The following SLC16A10 variants were observed in gnomAD, a reference collection of about 807,000 sequenced individuals.
SLC16A10 encodes solute carrier family 16 member 10.
In SLC16A10, 27 loss-of-function variants were observed where a neutral mutation model predicts 40.0. That is an observed-to-expected ratio of 0.67 (90% CI 0.50 to 0.93). SLC16A10 has a LOEUF of 0.93. SLC16A10 is among the 40% of genes least tolerant of loss of function. SLC16A10 has a pLI of 0.00. For synonymous variants in SLC16A10, 213 were observed against 249.8 expected, an observed-to-expected ratio of 0.85 and a Z score of 1.39; for missense variants, 529 against 658.2, an observed-to-expected ratio of 0.80 and a Z score of 2.15.
chr6:111,121,091 T>C (rs1323697732), intron 1 of SLC16A10, among the ~76,000 whole-genome samples: 1 of 152,202 alleles, frequency 6.6e-6, no homozygotes, highest in Non-Finnish European at 1.5e-5. Flanking sequence ...CCAGGAAATT[T>C]TGGAATATAC....
chr6:111,140,448 G>A (rs1771961792), intron 1 of SLC16A10, among the ~76,000 whole-genome samples: 1 of 151,564 alleles, frequency 6.6e-6, no homozygotes, highest in African/African-American at 2.4e-5. Context: ...GGGCGACACA[G>A]CAAGACCCTG....
intron 4 of SLC16A10, among the ~76,000 whole-genome samples, chr6:111,215,083 C>T (rs1773399479): frequency 6.6e-6 from 1 of 151,778 alleles, no homozygotes; most frequent in Non-Finnish European, 1.5e-5. Flanking sequence ...CGCGCCACTG[C>T]ACTCCAGCCT....
At chr6:111,146,749 G>T (rs749014398) in intron 1 of SLC16A10, among the ~76,000 whole-genome samples, 89 of 150,462 alleles carry the variant, frequency 5.9e-4, no homozygotes, top group Non-Finnish European at 1.1e-3. Context: ...AAAAAAAAAA[G>T]ATATATACAC....
rs776652999 is a variant in SLC16A10, at chr6:111,218,945, A to G, written c.1218A>G (p.Ile406Met). The part of the protein sequence containing the change: ...DGCFISIMAP[I>M]AFELVGAQDV... Reference sequence around the variant, plus strand: ...GCTTCATTTCCATTATGGCTCCCATAGCCTTTGAGTTAGTTGGTGCCCAGG... The same window carrying G: ...GCTTCATTTCCATTATGGCTCCCATGGCCTTTGAGTTAGTTGGTGCCCAGG... Residue 406 changes from isoleucine to methionine, a missense_variant, in exon 5 of 6, where the codon ATA (isoleucine) becomes ATG (methionine). Coordinates refer to ENST00000368851, the MANE Select transcript of SLC16A10 (RefSeq NM_018593.5). 6.2e-7 allele frequency: 1 copy of G among 1,614,086 alleles called. No individual in the cohort carries two copies. Among genetic ancestry groups the G allele is most frequent in the East Asian group, 2.2e-5 (1 of 44,860 alleles).
At position 111,193,053 on chromosome 6, in the gene SLC16A10, A is replaced by G. The variant is rs143329104; in HGVS notation, c.943-13539A>G. ...CTTTTTTTTGAGATGAAGTCTCACT[A>G]TGTTGCCTAGGCTAGTCTCAAACTC... On this transcript the variant is annotated intron_variant, in intron 3 of 5. Coordinates refer to ENST00000368851, the MANE Select transcript of SLC16A10 (RefSeq NM_018593.5). 2.7e-3 allele frequency among the ~76,000 whole-genome samples: 406 copies of G among 152,148 alleles called. 5 individuals are homozygous for G. The highest frequency in any genetic ancestry group is 0.024 in the Middle Eastern group (7 of 294).
At chr6:111,213,527 A>G (rs1299881815) in intron 4 of SLC16A10, among the ~76,000 whole-genome samples, 1 of 152,198 alleles carries the variant, frequency 6.6e-6, no homozygotes, top group Non-Finnish European at 1.5e-5. Context: ...TTGCCTAAAG[A>G]TATCTTGGGA....
chr6:111,127,358 G>A (rs933152982), intron 1 of SLC16A10, among the ~76,000 whole-genome samples: 1 of 152,190 alleles, frequency 6.6e-6, no homozygotes, highest in African/African-American at 2.4e-5. Context: ...TCACTTCCCA[G>A]GAGGAAACAG....
chr6:111,195,139 T>C (rs1466723464), intron 3 of SLC16A10, among the ~76,000 whole-genome samples: 3 of 152,156 alleles, frequency 2.0e-5, no homozygotes, highest in Non-Finnish European at 2.9e-5. Context: ...AAACTACCTA[T>C]ATACATAATG....
At chr6:111,168,071 C>G (rs955288546) in intron 1 of SLC16A10, among the ~76,000 whole-genome samples, 4 of 152,052 alleles carry the variant, frequency 2.6e-5, no homozygotes, top group Non-Finnish European at 4.4e-5. Context: ...ACTCCACCTC[C>G]CAGATTCAAG....
At chr6:111,144,628 C>G (rs1772044358) in intron 1 of SLC16A10, among the ~76,000 whole-genome samples, 1 of 152,202 alleles carries the variant, frequency 6.6e-6, no homozygotes, top group African/African-American at 2.4e-5. Context: ...GCAAACTACT[C>G]TATAGATCAG....
At chr6:111,144,343 A>G (rs983911353) in intron 1 of SLC16A10, among the ~76,000 whole-genome samples, 1 of 152,054 alleles carries the variant, frequency 6.6e-6, no homozygotes, top group South Asian at 2.1e-4. Context: ...AGCTGGGACT[A>G]CAGGCACACG....
intron 1 of SLC16A10, among the ~76,000 whole-genome samples, chr6:111,130,059 A>G (rs1771753121): frequency 6.6e-6 from 1 of 152,200 alleles, no homozygotes; most frequent in East Asian, 1.9e-4. Flanking sequence ...CCTACACTGG[A>G]GTTACCAACT....
Position 111,202,537 on chromosome 6 carries a change from T to G in SLC16A10, c.943-4055T>G, listed in dbSNP as rs181182999. Among the ~76,000 whole-genome samples the G allele has an allele frequency of 5.9e-4, 90 of 152,126 alleles. 1 individual carries two copies. The highest frequency in any genetic ancestry group is 3.4e-3 in the Middle Eastern group (1 of 294). On this transcript the variant is annotated intron_variant, in intron 3 of 5. Coordinates refer to ENST00000368851, the MANE Select transcript of SLC16A10 (RefSeq NM_018593.5). ...GAAGATGTCAATTAGCAAGGTTTTT[T>G]TAATCCCCTGGAAGTGTGCAACCCA...
At chr6:111,160,106 A>G (rs1772343298) in intron 1 of SLC16A10, among the ~76,000 whole-genome samples, 2 of 152,142 alleles carry the variant, frequency 1.3e-5, no homozygotes, top group South Asian at 4.1e-4. Flanking sequence ...TCTTTCAAAG[A>G]GAAGTTCTTA....
intron 1 of SLC16A10, among the ~76,000 whole-genome samples, chr6:111,107,950 C>T (rs983277525): frequency 3.9e-5 from 6 of 152,004 alleles, no homozygotes; most frequent in Admixed American, 1.3e-4. Context: ...ACAATGTTCC[C>T]GGTCATCCTC....
chr6:111,219,710 G>T (rs1468946225), intron 5 of SLC16A10, among the ~76,000 whole-genome samples: 1 of 151,622 alleles, frequency 6.6e-6, no homozygotes, highest in East Asian at 1.9e-4. Context: ...GCCATAAAAA[G>T]GAGTAAGGTA....
intron 1 of SLC16A10, among the ~76,000 whole-genome samples, chr6:111,162,024 T>C (rs1562417829): frequency 6.6e-6 from 1 of 152,320 alleles, no homozygotes; most frequent in East Asian, 1.9e-4. Context: ...AGGGTTAGTC[T>C]AAAATGCAGA....
At chr6:111,207,236 C>G (rs549963823) in intron 4 of SLC16A10, among the ~76,000 whole-genome samples, 1 of 152,182 alleles carries the variant, frequency 6.6e-6, no homozygotes, top group African/African-American at 2.4e-5. Flanking sequence ...TTTGTTTTGT[C>G]GTGGAACTCC....
chr6:111,205,533 G>C (rs192527824), intron 3 of SLC16A10, among the ~76,000 whole-genome samples: 7 of 152,348 alleles, frequency 4.6e-5, no homozygotes, highest in Admixed American at 2.6e-4. Flanking sequence ...GTTATTAACT[G>C]TGTGCCAAAC....
Sources: gnomAD v4.1 joint callset for allele counts (sites outside exome capture counted in the v4.1 genomes callset) on GRCh38, gnomAD v4.1.1 for gene constraint, MANE v1.5 for transcripts, NCBI Gene and HGNC (gene_info 2026-07-23, HGNC 2026-07-21) for gene names.